CTSF: variants seen among roughly 807,000 people sequenced by gnomAD.
CTSF encodes the protein cathepsin F.
A neutral mutation model predicts 63.5 loss-of-function variants in CTSF; 65 were observed. The observed-to-expected ratio is 1.02, with a 90% CI of 0.84 to 1.26. The LOEUF (loss-of-function observed/expected upper bound fraction) is 1.26. Ranked by LOEUF, CTSF falls within the 50% of genes most tolerant of loss-of-function variation. CTSF has a pLI of 0.00. For synonymous variants in CTSF, 256 were observed against 258.1 expected, an observed-to-expected ratio of 0.99 and a Z score of 0.08; for missense variants, 641 against 631.0, an observed-to-expected ratio of 1.02 and a Z score of -0.17.
In CTSF at chr11:66,564,658, GAGA is replaced by G. The variant is rs777763116; in HGVS notation, c.1231-13_1231-11del. The G allele has an allele frequency of 2.5e-6, 4 of 1,612,442 alleles. No individual in the cohort carries two copies. Among genetic ancestry groups the G allele is most frequent in the Non-Finnish European group, 3.4e-6 (4 of 1,179,264 alleles). On this transcript the variant is annotated splice_polypyrimidine_tract_variant and intron_variant, in intron 10 of 12. Coordinates refer to ENST00000310325, the MANE Select transcript of CTSF (RefSeq NM_003793.4). The stretch of plus-strand genomic sequence containing the variant: ...TCCCGTGGCGGTAAAACTGGAGGTG[GAGA>G]AGGAGTAGGGGATCGACTCCAAGAA...
At position 66,564,022 on chromosome 11, in the gene CTSF, G is replaced by T. The variant is rs775450020; in HGVS notation, c.1381-15C>A. The T allele has an allele frequency of 4.3e-6, 7 of 1,613,840 alleles. No individual in the cohort carries two copies. The highest frequency in any genetic ancestry group is 5.9e-6 in the Non-Finnish European group (7 of 1,180,022). ...TAGTAGTAACCCTGGGGGAGAGGGG[G>T]AGCTGGTGAGGGCACCAGGGTAGGA... On this transcript the variant is annotated splice_polypyrimidine_tract_variant and intron_variant, in intron 12 of 12. Transcript: ENST00000310325.
chr11:66,564,227 C>T (rs1263861926), intron 11 of CTSF, 81 bp from the exon 12 acceptor site: 3 of 1,491,086 alleles, frequency 2.0e-6, no homozygotes, highest in Non-Finnish European at 1.8e-6. Context: ...CCTTCAAATA[C>T]TTGCACTGGG....
chr11:66,565,281 C>G lies in CTSF; in HGVS notation c.1046-275G>C, dbSNP rs76487247. 0.07 allele frequency among the ~76,000 whole-genome samples: 10,655 copies of G among 152,258 alleles called. 647 individuals carry two copies. Among genetic ancestry groups the G allele is most frequent in the East Asian group, 0.11 (581 of 5,190 alleles). On this transcript the variant is annotated intron_variant, in intron 8 of 12. Coordinates refer to ENST00000310325, the MANE Select transcript of CTSF (RefSeq NM_003793.4). Reference sequence around the variant, plus strand: ...AAGAGCTCATCCCAGCAGTCTTTCACCCAGGCTGGAGTACAGTGGCACAAA... The same window carrying G: ...AAGAGCTCATCCCAGCAGTCTTTCAGCCAGGCTGGAGTACAGTGGCACAAA...
Position 66,565,111 on chromosome 11 carries a change from C to G in CTSF, c.1046-105G>C, listed in dbSNP as rs990615211. On this transcript the variant is annotated intron_variant, in intron 8 of 12. Transcript: ENST00000310325. ...GCGAGGTTTCACATTCCTCGTCCACCCCAGGCCACAGGCCATCCCCTCTGA... is the reference window on the plus strand; with the variant it reads ...GCGAGGTTTCACATTCCTCGTCCACGCCAGGCCACAGGCCATCCCCTCTGA... 5.4e-6 allele frequency: 8 copies of G among 1,487,326 alleles called. No individual in the cohort carries two copies. In the Admixed American group the frequency reaches 1.8e-4, roughly 34 times the overall value. The allele number at this position is 1,487,326 out of a possible 1,614,324, so 92.1% of individuals were successfully genotyped here.
rs777280651 is a variant in CTSF at position 66,567,262 on chromosome 11, T to C, written c.591A>G (p.Thr197=). Residue 197 remains threonine (T), a synonymous_variant, in exon 4 of 13, where the codon ACA becomes ACG. Coordinates refer to ENST00000310325, the MANE Select transcript of CTSF (RefSeq NM_003793.4). ...FKNFVITYNR[T]YESKEEARWR... The stretch of plus-strand genomic sequence containing the variant: ...GGTCCTCACCTTCCTTTGACTCATA[T>C]GTCCGGTTATAGGTAATGACAAAGT... 3 of 1,614,212 alleles carry C rather than the reference T, an allele frequency of 1.9e-6. No individual in the cohort carries two copies. Among genetic ancestry groups the C allele is most frequent in the East Asian group, 2.2e-5 (1 of 44,884 alleles).
At position 66,564,873 on chromosome 11, in the gene CTSF, T is replaced by C. The variant is rs760013945; in HGVS notation, c.1165+14A>G. 1.9e-6 allele frequency: 3 copies of C among 1,613,690 alleles called. No homozygotes were observed. The highest frequency in any genetic ancestry group is 2.7e-5 in the African/African-American group (2 of 75,042). On this transcript the variant is annotated intron_variant, in intron 9 of 12. Transcript: ENST00000310325. The stretch of plus-strand genomic sequence containing the variant: ...GGCCCCACCTGACCTCACCTCACCC[T>C]GCCCCTCACTCACTCTGCTCGTTCT...
chr11:66,568,015 A>C lies in CTSF; in HGVS notation c.281T>G (p.Val94Gly), dbSNP rs774791764. 6 of 1,598,706 alleles carry C rather than the reference A, an allele frequency of 3.8e-6. No individual in the cohort carries two copies. The highest frequency in any genetic ancestry group is 4.3e-6 in the Non-Finnish European group (5 of 1,173,784). The change falls in exon 2 of 13, where the codon GTG becomes GGG. Residue 94 changes from valine (V) to glycine (G), a missense_variant. By Grantham distance (109) the Val-to-Gly change is moderately radical. Coordinates refer to ENST00000310325, the MANE Select transcript of CTSF (RefSeq NM_003793.4). ...TTTCTTGGACACGGGGAGCCGGCAC[A>C]CCATGGGGTCGTTGCAGGGTGGCTC... ...LEEPPCNDPM[V>G]CRLPVSKKTL...
rs758004789 is a variant in CTSF, at chr11:66,567,259, A to G, written c.594T>C (p.Tyr198=). ...CTGGGTCCTCACCTTCCTTTGACTCATATGTCCGGTTATAGGTAATGACAA... is the reference window on the plus strand; with the variant it reads ...CTGGGTCCTCACCTTCCTTTGACTCGTATGTCCGGTTATAGGTAATGACAA... ...KNFVITYNRT[Y]ESKEEARWRL... is the part of the protein sequence containing the mutation. Residue 198 remains tyrosine (Y), a synonymous_variant, in exon 4 of 13, where the codon TAT becomes TAC. Coordinates refer to ENST00000310325, the MANE Select transcript of CTSF (RefSeq NM_003793.4). 2.5e-6 allele frequency: 4 copies of G among 1,614,040 alleles called. No homozygotes were observed. Among genetic ancestry groups the G allele is most frequent in the Non-Finnish European group, 2.5e-6 (3 of 1,180,034 alleles).
rs952814161 is a variant in CTSF, at chr11:66,563,549, C to T, written c.*384G>A. ...TGGAGAGGGACACTATCCCTAAATC[C>T]AAGGGAACCAGAAAATTTATAGTAT... is the stretch of plus-strand genomic sequence containing the variant. On this transcript the variant is annotated 3_prime_UTR_variant, in exon 13 of 13. Transcript: ENST00000310325. 4.5e-6 allele frequency: 2 copies of T among 444,670 alleles called. No homozygotes were observed. The highest frequency in any genetic ancestry group is 8.1e-6 in the Non-Finnish European group (2 of 248,398). The allele number at this position is 444,670 out of a possible 1,614,324, so 27.5% of individuals were successfully genotyped here.
Position 66,568,019 on chromosome 11 carries a change from TG to T in CTSF, c.276del (p.Met93TrpfsTer55). 6.2e-7 allele frequency: 1 copy of T among 1,601,514 alleles called. No homozygotes were observed. The highest frequency in any genetic ancestry group is 8.5e-7 in the Non-Finnish European group (1 of 1,175,124). On this transcript the variant is annotated frameshift_variant, in exon 2 of 13. Coordinates refer to ENST00000310325, the MANE Select transcript of CTSF (RefSeq NM_003793.4). LOFTEE classifies it high-confidence loss of function. ...TTGGACACGGGGAGCCGGCACACCA[TG>T]GGGTCGTTGCAGGGTGGCTCCTCCA... ...ATLEEPPCND[P>X]MVCRLPVSKK...
chr11:66,563,702 A>G lies in CTSF; in HGVS notation c.*231T>C, dbSNP rs1857857654. ...CCAAGATACCACCCTTCACCCCGAC[A>G]TCCTCCTAAGCTACCACAATTCAAC... On this transcript the variant is annotated 3_prime_UTR_variant, in exon 13 of 13. Coordinates refer to ENST00000310325, the MANE Select transcript of CTSF (RefSeq NM_003793.4). 1.7e-6 allele frequency: 1 copy of G among 604,300 alleles called. No individual in the cohort carries two copies. Among genetic ancestry groups the G allele is most frequent in the Non-Finnish European group, 2.9e-6 (1 of 343,568 alleles). 37.4% of individuals were successfully genotyped at this position (604,300 alleles called of 1,614,324 possible).
In CTSF at chr11:66,566,158, A is replaced by G. The variant is rs756460539; in HGVS notation, c.731T>C (p.Phe244Ser). 1.2e-6 allele frequency: 2 copies of G among 1,614,118 alleles called. No individual in the cohort carries two copies. Among genetic ancestry groups the G allele is most frequent in the Non-Finnish European group, 1.7e-6 (2 of 1,180,020 alleles). ...TKFSDLTEEE[F>S]RTIYLNTLLR... The stretch of plus-strand genomic sequence containing the variant: ...GAGAGTATTCAGGTAGATAGTGCGG[A>G]ACTCCTCCTCTGCGGGCAAAGGTGG... Residue 244 changes from phenylalanine (F) to serine (S), a missense_variant, in exon 6 of 13, where the codon TTC (phenylalanine) becomes TCC (serine). Physicochemically the swap from Phe to Ser is radical, Grantham distance 155. Transcript: ENST00000310325.
chr11:66,564,800 G>C lies in CTSF; in HGVS notation c.1172C>G (p.Ala391Gly), dbSNP rs889550300. The C allele has an allele frequency of 1.9e-6, 3 of 1,613,970 alleles. No individual in the cohort carries two copies. The African/African-American group carries it at 4.0e-5, about 22-fold the overall frequency. ...TGGGCCTCTCTTGGCCAGCCAGGCT[G>C]CCAGCTCTGAGATGGGAAGGGGTGG... ...VELSQNEQKL[A>G]AWLAKRGPIS... The change falls in exon 10 of 13, where the codon GCA becomes GGA. Residue 391 changes from alanine to glycine, a missense_variant. Coordinates refer to ENST00000310325, the MANE Select transcript of CTSF (RefSeq NM_003793.4).
intron 4 of CTSF, 91 bp from the exon 5 acceptor site, chr11:66,566,495 G>T: frequency 1.7e-6 from 2 of 1,204,886 alleles, no homozygotes; most frequent in South Asian, 1.3e-5. Flanking sequence ...TTTCCCCGGG[G>T]AGCAGGTAGG....
At position 66,565,131 on chromosome 11, in the gene CTSF, C is replaced by T. The variant is rs576149308; in HGVS notation, c.1046-125G>A. The T allele has an allele frequency of 2.8e-6, 4 of 1,443,406 alleles. No homozygotes were observed. In the South Asian group the frequency reaches 5.8e-5, roughly 21 times the overall value. 89.4% of individuals were successfully genotyped at this position (1,443,406 alleles called of 1,614,324 possible). ...TCCACCCCAGGCCACAGGCCATCCC[C>T]TCTGAAGAATGTCTTCATTCTAGAA... is the stretch of plus-strand genomic sequence containing the variant. On this transcript the variant is annotated intron_variant, in intron 8 of 12. Transcript: ENST00000310325.
intron 4 of CTSF, among the ~76,000 whole-genome samples, chr11:66,566,930 G>C (rs1857944753): frequency 6.6e-6 from 1 of 151,986 alleles, no homozygotes; most frequent in African/African-American, 2.4e-5. Context: ...GTTTCACCAT[G>C]TTGGCCAGGC....
chr11:66,564,003 T>C lies in CTSF; in HGVS notation c.1385A>G (p.Tyr462Cys), dbSNP rs1393957780. Residue 462 changes from tyrosine to cysteine, a missense_variant, in exon 13 of 13, where the codon TAC becomes TGC. Transcript: ENST00000310325. ...SWGTDWGEKGYYYLHRGSGAC... is the reference protein window; with the variant it reads ...SWGTDWGEKGCYYLHRGSGAC... ...CCCGGACCCACGATGCAAGTAGTAG[T>C]AACCCTGGGGGAGAGGGGGAGCTGG... 6.2e-7 allele frequency: 1 copy of C among 1,613,682 alleles called. No individual in the cohort carries two copies. Among genetic ancestry groups the C allele is most frequent in the African/African-American group, 1.3e-5 (1 of 74,894 alleles).
rs1481670098 is a variant in CTSF, at chr11:66,563,986, C to T, written c.1402G>A (p.Gly468Arg). The T allele has an allele frequency of 1.5e-5, 25 of 1,613,678 alleles. No individual in the cohort carries two copies. Among genetic ancestry groups the T allele is most frequent in the Non-Finnish European group, 1.9e-5 (22 of 1,180,014 alleles). The change falls in exon 13 of 13, where the codon GGG becomes AGG. Residue 468 changes from glycine to arginine, a missense_variant. Gly to Arg is a moderately radical substitution (Grantham distance 125). Transcript: ENST00000310325. ...GEKGYYYLHR[G>R]SGACGVNTMA... is the part of the protein sequence containing the mutation. ...GTGTTCACGCCACAGGCCCCGGACC[C>T]ACGATGCAAGTAGTAGTAACCCTGG... is the stretch of plus-strand genomic sequence containing the variant.
chr11:66,563,705 C>G lies in CTSF; in HGVS notation c.*228G>C. 3.3e-6 allele frequency: 2 copies of G among 609,504 alleles called. No individual in the cohort carries two copies. The highest frequency in any genetic ancestry group is 5.8e-6 in the Non-Finnish European group (2 of 346,928). The allele number at this position is 609,504 out of a possible 1,614,324, so 37.8% of individuals were successfully genotyped here. ...AGATACCACCCTTCACCCCGACATC[C>G]TCCTAAGCTACCACAATTCAACAAA... On this transcript the variant is annotated 3_prime_UTR_variant, in exon 13 of 13. Coordinates refer to ENST00000310325, the MANE Select transcript of CTSF (RefSeq NM_003793.4).
Sources: gnomAD v4.1 joint callset for allele counts (sites outside exome capture counted in the v4.1 genomes callset) on GRCh38, gnomAD v4.1.1 for gene constraint, MANE v1.5 for transcripts, NCBI Gene and HGNC (gene_info 2026-07-23, HGNC 2026-07-21) for gene names.